Variants in C9orf78 observed in about 807,000 individuals in gnomAD.
The protein encoded by C9orf78 is splicing factor C9orf78.
A neutral mutation model predicts 37.4 loss-of-function variants in C9orf78; 19 were observed. That is an observed-to-expected ratio of 0.51 (90% CI 0.35 to 0.74). The LOEUF is 0.74. C9orf78 is among the 30% of genes least tolerant of loss of function. The probability of loss-of-function intolerance (pLI) is 0.01; values close to 1 mark genes in which losing one functional copy is unlikely to be tolerated. For missense variants in C9orf78, 291 were observed against 370.8 expected (o/e 0.78, Z 1.77); for synonymous variants, 130 against 128.0 (o/e 1.02, Z -0.10).
chr9:129,835,002 C>T lies in C9orf78; in HGVS notation c.83+137G>A. On this transcript the variant is annotated intron_variant, in intron 1 of 8. Transcript: ENST00000372447. ...TGGGGCGGTGGCCTCACCCCTTGAG[C>T]CTCAATTTCTGCGTCCGCAGAAGGA... 3 of 777,518 alleles carry T rather than the reference C, an allele frequency of 3.9e-6. No individual in the cohort carries two copies. The South Asian group carries it at 4.8e-5, about 12-fold the overall frequency. 48.2% of individuals were successfully genotyped at this position (777,518 alleles called of 1,614,324 possible). A position where few individuals can be genotyped will look rare whatever the true frequency, so the allele number is the denominator to read the frequency against.
At chr9:129,830,674 G>A in intron 6 of C9orf78, 197 bp downstream of exon 6, 4 of 538,612 alleles carry the variant, frequency 7.4e-6, no homozygotes, top group Non-Finnish European at 1.0e-5. Context: ...ACCATGCCCA[G>A]CTAATTTTTG....
chr9:129,831,074 G>C lies in C9orf78; in HGVS notation c.345-6C>G, dbSNP rs749703874. On this transcript the variant is annotated splice_region_variant and splice_polypyrimidine_tract_variant and intron_variant, in intron 5 of 8. Coordinates refer to ENST00000372447, the MANE Select transcript of C9orf78 (RefSeq NM_016520.3). ...CTGTCTCAATGTACTTCATCCTGAAGTGAGAAACCCAGAGGCCTCAGGGAG... is the reference window on the plus strand; with the variant it reads ...CTGTCTCAATGTACTTCATCCTGAACTGAGAAACCCAGAGGCCTCAGGGAG... 6.2e-7 allele frequency: 1 copy of C among 1,606,006 alleles called. No homozygotes were observed. Among genetic ancestry groups the C allele is most frequent in the Non-Finnish European group, 8.5e-7 (1 of 1,173,418 alleles).
At chr9:129,832,792 CTTATT>C (rs1200314670) in intron 4 of C9orf78, among the ~76,000 whole-genome samples, 4 of 149,726 alleles carry the variant, frequency 2.7e-5, no homozygotes, top group Admixed American at 6.6e-5. Context: ...CATAGGTTCA[CTTATT>C]TTATTTTTTT....
intron 8 of C9orf78, 174 bp downstream of exon 8, chr9:129,829,031 G>A (rs765431969): frequency 2.9e-6 from 2 of 694,136 alleles, no homozygotes; most frequent in South Asian, 3.0e-5. Flanking sequence ...TTCCAATGAG[G>A]AAACTGAGGC....
rs1485881371 is a variant in C9orf78 at position 129,828,352 on chromosome 9, C to T, written c.779-100G>A. On this transcript the variant is annotated intron_variant, in intron 8 of 8. Coordinates refer to ENST00000372447, the MANE Select transcript of C9orf78 (RefSeq NM_016520.3). The stretch of plus-strand genomic sequence containing the variant: ...AGACAACTGCCTGTTTCCTTCCCCA[C>T]AGGAGCCCCAGCGCCTAACCCAGTG... The T allele has an allele frequency of 4.1e-6, 3 of 727,520 alleles. No homozygotes were observed. The Admixed American group carries it at 5.6e-5, about 14-fold the overall frequency. The allele number at this position is 727,520 out of a possible 1,614,324, so 45.1% of individuals were successfully genotyped here.
At chr9:129,833,811 A>G (rs1175166882) in intron 2 of C9orf78, 102 bp from the exon 3 acceptor site, 1 of 788,018 alleles carries the variant, frequency 1.3e-6, no homozygotes, top group Non-Finnish European at 2.1e-6. Flanking sequence ...ACATTAGTGC[A>G]AGGGTGGGAT....
rs760461482 is a variant in C9orf78 at position 129,833,590 on chromosome 9, C to G, written c.195+68G>C. ...GTGGAATTTTTTTTTTTGTGAAGCA[C>G]GCTCACTCACTGAAGAGCACTGCAG... On this transcript the variant is annotated intron_variant, in intron 3 of 8. Transcript: ENST00000372447. 9.7e-6 allele frequency: 14 copies of G among 1,441,800 alleles called. No individual in the cohort carries two copies. In the Admixed American group the frequency reaches 2.2e-4, roughly 22 times the overall value. The allele number at this position is 1,441,800 out of a possible 1,614,324, so 89.3% of individuals were successfully genotyped here.
At chr9:129,834,594 TAC>T in intron 2 of C9orf78, 111 bp downstream of exon 2, 1 of 756,298 alleles carries the variant, frequency 1.3e-6, no homozygotes, top group Non-Finnish European at 2.3e-6. Context: ...GTGGAAGGTG[TAC>T]AGTGTGTCAA....
intron 4 of C9orf78, among the ~76,000 whole-genome samples, chr9:129,832,985 G>A (rs980683837): frequency 2.9e-4 from 43 of 148,868 alleles, no homozygotes; most frequent in African/African-American, 1.0e-3. Context: ...ATGCGTGTGT[G>A]TATATATATA....
intron 6 of C9orf78, 107 bp downstream of exon 6, chr9:129,830,764 C>T: frequency 2.6e-6 from 2 of 781,496 alleles, no homozygotes; most frequent in South Asian, 2.9e-5. Flanking sequence ...CCCGCCTCAG[C>T]CTCCCAAAGT....
At chr9:129,835,011 C>T in intron 1 of C9orf78, 128 bp downstream of exon 1, 12 of 826,060 alleles carry the variant, frequency 1.5e-5, no homozygotes, top group Non-Finnish European at 2.4e-5. Context: ...GCCTCAATTT[C>T]TGCGTCCGCA....
In C9orf78 at chr9:129,829,283, C is replaced by A; in HGVS notation, c.700G>T (p.Ala234Ser). Reference protein sequence around the residue: ...HNRFYHEELNAPIRRNKEEPK... With the variant: ...HNRFYHEELNSPIRRNKEEPK... ...TCTTCTTTGTTTCTCCGTATGGGCGCGTTGAGCTCCTCATGATAAACTGGA... is the reference window on the plus strand; with the variant it reads ...TCTTCTTTGTTTCTCCGTATGGGCGAGTTGAGCTCCTCATGATAAACTGGA... The change falls in exon 8 of 9, where the codon GCG (alanine) becomes TCG (serine). Residue 234 changes from alanine to serine, a missense_variant. Physicochemically the swap from Ala to Ser is moderately conservative, Grantham distance 99 (BLOSUM62 1). Around this residue, in one of 3 missense-constraint regions of C9orf78, gnomAD observed 120 missense variants for 148.7 expected, o/e 0.81. Transcript: ENST00000372447. The A allele has an allele frequency of 6.2e-7, 1 of 1,608,908 alleles. No homozygotes were observed. The highest frequency in any genetic ancestry group is 8.5e-7 in the Non-Finnish European group (1 of 1,177,626).
intron 1 of C9orf78, 38 bp downstream of exon 1, chr9:129,835,101 T>C: frequency 6.6e-7 from 1 of 1,505,752 alleles, no homozygotes; most frequent in Non-Finnish European, 9.2e-7. Context: ...AACAAGTCTA[T>C]CTTTACCAAG....
rs556025574 is a variant in C9orf78, at chr9:129,829,623, G to A, written c.543-82C>T. 10 of 1,251,318 alleles carry A rather than the reference G, an allele frequency of 8.0e-6. No homozygotes were observed. In the South Asian group the frequency reaches 1.3e-4, roughly 17 times the overall value. The allele number at this position is 1,251,318 out of a possible 1,614,324, so 77.5% of individuals were successfully genotyped here. ...CATGAGTGGTGAGGCTGGCAGCCCA[G>A]CAGTACATAAGAAAATCATGTGTCC... is the stretch of plus-strand genomic sequence containing the variant. On this transcript the variant is annotated intron_variant, in intron 6 of 8. Coordinates refer to ENST00000372447, the MANE Select transcript of C9orf78 (RefSeq NM_016520.3).
chr9:129,833,961 T>A (rs774420287), intron 2 of C9orf78: 1 of 488,400 alleles, frequency 2.0e-6, no homozygotes, highest in Non-Finnish European at 3.6e-6. Flanking sequence ...CCATTTGGCA[T>A]TATCTTGGCC....
rs902821286 is a variant in C9orf78 at position 129,829,666 on chromosome 9, C to T, written c.543-125G>A. 2.1e-5 allele frequency: 16 copies of T among 763,714 alleles called. 1 individual carries two copies. In the African/African-American group the frequency reaches 2.6e-4, roughly 12 times the overall value. The allele number at this position is 763,714 out of a possible 1,614,324, so 47.3% of individuals were successfully genotyped here. ...ATGTGTCCTGGGGCACAGCTCTCCA[C>T]TTTATCAAGCACACTTGTAGTCACA... is the stretch of plus-strand genomic sequence containing the variant. On this transcript the variant is annotated intron_variant, in intron 6 of 8. Coordinates refer to ENST00000372447, the MANE Select transcript of C9orf78 (RefSeq NM_016520.3).
chr9:129,831,800 T>C (rs1455734082), intron 5 of C9orf78, 96 bp downstream of exon 5: 1 of 763,840 alleles, frequency 1.3e-6, no homozygotes, highest in African/African-American at 1.7e-5. Context: ...TGACATCTTC[T>C]AGAAAATTCT....
chr9:129,833,915 T>C, intron 2 of C9orf78: 1 of 576,372 alleles, frequency 1.7e-6, no homozygotes, highest in Non-Finnish European at 3.1e-6. Context: ...GGTGCGCTGG[T>C]GGTGAAGTGG....
At chr9:129,833,611 T>A in intron 3 of C9orf78, 47 bp downstream of exon 3, 1 of 1,493,846 alleles carries the variant, frequency 6.7e-7, no homozygotes. Context: ...TGAAGAGCAC[T>A]GCAGGGAGGG....
Sources: allele counts gnomAD v4.1 joint callset (sites outside exome capture counted in the v4.1 genomes callset), GRCh38; gene constraint gnomAD v4.1.1; regional missense constraint gnomAD v4.1.1; transcripts MANE v1.5; gene names NCBI Gene and HGNC (gene_info 2026-07-23, HGNC 2026-07-21).